MYO1D: variants seen among roughly 807,000 people sequenced by gnomAD.
MYO1D encodes the protein myosin ID, also known as unconventional myosin-Id.
A neutral mutation model predicts 122.0 loss-of-function variants in MYO1D; 83 were observed. That is an observed-to-expected ratio of 0.68 (90% CI 0.57 to 0.82). MYO1D has a LOEUF of 0.82. Ranked by LOEUF, MYO1D falls within the 40% of genes least tolerant of loss-of-function variation. The pLI is 0.00. For missense variants in MYO1D, 1,157 were observed against 1,269.5 expected, an observed-to-expected ratio of 0.91 and a Z score of 1.35; for synonymous variants, 464 against 446.9, an observed-to-expected ratio of 1.04 and a Z score of -0.48.
At chr17:32,609,908 T>C (rs1440497418) in intron 20 of MYO1D, among the ~76,000 whole-genome samples, 1 of 152,216 alleles carries the variant, frequency 6.6e-6, no homozygotes, top group Non-Finnish European at 1.5e-5. Flanking sequence ...ATGATTTTTA[T>C]ATGATTAAAT....
intron 15 of MYO1D, among the ~76,000 whole-genome samples, chr17:32,713,327 T>G (rs1260444787): frequency 6.6e-6 from 1 of 152,224 alleles, no homozygotes; most frequent in Non-Finnish European, 1.5e-5. Context: ...ATTAACATGC[T>G]GCCTTTATCA....
Position 32,838,335 on chromosome 17 carries a change from T to A in MYO1D, c.95+38443A>T, listed in dbSNP as rs1010708839. On this transcript the variant is annotated intron_variant, in intron 1 of 21. Transcript: ENST00000318217. ...TTATGATGCATACCTTATCATTTAT[T>A]AAATTTTTAGACACGAAATAGTCTG... 2.0e-5 allele frequency among the ~76,000 whole-genome samples: 3 copies of A among 152,202 alleles called. No homozygotes were observed. The South Asian group carries it at 6.2e-4, about 32-fold the overall frequency.
chr17:32,521,187 A>T (rs887994549), intron 21 of MYO1D, among the ~76,000 whole-genome samples: 8 of 151,714 alleles, frequency 5.3e-5, no homozygotes, highest in African/African-American at 1.9e-4. Context: ...TTTCCTAAAG[A>T]CCCCTCCCTC....
At chr17:32,667,375 C>T (rs539810466) in intron 16 of MYO1D, among the ~76,000 whole-genome samples, 21 of 152,180 alleles carry the variant, frequency 1.4e-4, no homozygotes, top group East Asian at 1.9e-4. Flanking sequence ...ATGTTTTTAC[C>T]GGACTAGCAG....
chr17:32,762,811 T>G (rs2090014950), intron 8 of MYO1D, among the ~76,000 whole-genome samples: 1 of 147,466 alleles, frequency 6.8e-6, no homozygotes, highest in Non-Finnish European at 1.5e-5. Flanking sequence ...GAGGTGGAGG[T>G]TGCAGTGAGC....
At chr17:32,668,695 ATTTC>A (rs1044073332) in intron 16 of MYO1D, among the ~76,000 whole-genome samples, 4 of 151,338 alleles carry the variant, frequency 2.6e-5, no homozygotes, top group Non-Finnish European at 4.4e-5. Flanking sequence ...AGCTCTGAGA[ATTTC>A]TTTTTCTTTT....
chr17:32,573,414 T>A (rs2087248885), intron 21 of MYO1D, among the ~76,000 whole-genome samples: 1 of 152,202 alleles, frequency 6.6e-6, no homozygotes, highest in Admixed American at 6.5e-5. Flanking sequence ...TACCTTTGAC[T>A]CTCATGTCTT....
At chr17:32,597,721 A>G (rs1296823066) in intron 21 of MYO1D, among the ~76,000 whole-genome samples, 1 of 151,578 alleles carries the variant, frequency 6.6e-6, no homozygotes, top group East Asian at 1.9e-4. Context: ...AAACTATAAA[A>G]ATTAGCCATG....
chr17:32,697,363 C>T (rs1213351201), intron 16 of MYO1D, among the ~76,000 whole-genome samples: 1 of 152,184 alleles, frequency 6.6e-6, no homozygotes, highest in Non-Finnish European at 1.5e-5. Flanking sequence ...GAGTCAATGG[C>T]CACCATTCAA....
chr17:32,591,196 C>T (rs55728128), intron 21 of MYO1D, among the ~76,000 whole-genome samples: 20,240 of 152,308 alleles, frequency 0.13, 1,581 homozygotes, highest in Middle Eastern at 0.24. Flanking sequence ...GGATTGCTCA[C>T]AGTACACAAC....
chr17:32,669,033 T>C (rs753127458), intron 16 of MYO1D, among the ~76,000 whole-genome samples: 9 of 152,138 alleles, frequency 5.9e-5, no homozygotes, highest in Admixed American at 5.2e-4. Flanking sequence ...TAAATCTCCT[T>C]TAACAGAATT....
rs1376076291 is a variant in MYO1D at position 32,748,510 on chromosome 17, C to T, written c.1538+426G>A. ...ATTCCTACCCACTGCTCCTATAATG[C>T]CTGTGCTTCTCTAGTTTAACTGTTT... On this transcript the variant is annotated intron_variant, in intron 12 of 21. Coordinates refer to ENST00000318217, the MANE Select transcript of MYO1D (RefSeq NM_015194.3). 5.9e-5 allele frequency among the ~76,000 whole-genome samples: 9 copies of T among 152,262 alleles called. No homozygotes were observed. In the East Asian group the frequency reaches 1.4e-3, roughly 23 times the overall value.
At chr17:32,578,614 C>T (rs1318581856) in intron 21 of MYO1D, among the ~76,000 whole-genome samples, 1 of 152,190 alleles carries the variant, frequency 6.6e-6, no homozygotes, top group Admixed American at 6.5e-5. Flanking sequence ...GACTATACTT[C>T]CATTTAATCT....
intron 21 of MYO1D, among the ~76,000 whole-genome samples, chr17:32,507,032 G>A (rs945084508): frequency 2.6e-5 from 4 of 152,090 alleles, no homozygotes; most frequent in African/African-American, 9.7e-5. Context: ...ATTTATTAAG[G>A]AACAGTTTAC....
At chr17:32,825,464 G>C (rs187778117) in intron 1 of MYO1D, among the ~76,000 whole-genome samples, 26 of 151,998 alleles carry the variant, frequency 1.7e-4, no homozygotes, top group Admixed American at 3.9e-4. Flanking sequence ...GCTAATTTTT[G>C]TATTTTTTTG....
chr17:32,826,003 G>A (rs998103615), intron 1 of MYO1D, among the ~76,000 whole-genome samples: 8 of 148,424 alleles, frequency 5.4e-5, no homozygotes, highest in African/African-American at 1.8e-4. Context: ...GAGCTATGAT[G>A]GTGCCACTGC....
chr17:32,527,788 ACT>A (rs955533093), intron 21 of MYO1D, among the ~76,000 whole-genome samples: 16 of 151,854 alleles, frequency 1.1e-4, no homozygotes, highest in African/African-American at 3.4e-4. Flanking sequence ...ACAAAGAGAG[ACT>A]CTATAAAAAT....
intron 20 of MYO1D, among the ~76,000 whole-genome samples, chr17:32,610,713 A>C (rs879573803): frequency 6.6e-6 from 1 of 151,784 alleles, no homozygotes; most frequent in Non-Finnish European, 1.5e-5. Context: ...AGGGTCTTAC[A>C]CTCTAAGTGA....
chr17:32,862,276 G>A (rs570674196), intron 1 of MYO1D, among the ~76,000 whole-genome samples: 2 of 152,204 alleles, frequency 1.3e-5, no homozygotes, highest in Admixed American at 1.3e-4. Context: ...CCTTTTGTTT[G>A]TTTACTGGTT....
Sources: allele counts gnomAD v4.1 joint callset (sites outside exome capture counted in the v4.1 genomes callset), GRCh38; gene constraint gnomAD v4.1.1; transcripts MANE v1.5; gene names NCBI Gene and HGNC (gene_info 2026-07-23, HGNC 2026-07-21).